Variants in PLCH2 observed in about 807,000 individuals in gnomAD.
PLCH2 encodes 1-phosphatidylinositol 4,5-bisphosphate phosphodiesterase eta-2.
A neutral mutation model predicts 134.7 loss-of-function variants in PLCH2; 98 were observed. That is an observed-to-expected ratio of 0.73 (90% CI 0.62 to 0.86). The LOEUF (loss-of-function observed/expected upper bound fraction) is 0.86, where lower values mean the gene tolerates loss of function less well. Ranked by LOEUF, PLCH2 falls within the 40% of genes least tolerant of loss-of-function variation. The probability of loss-of-function intolerance (pLI) is 0.00; values close to 1 mark genes in which losing one functional copy is unlikely to be tolerated. For missense variants in PLCH2, 1,994 were observed against 1,986.6 expected, an observed-to-expected ratio of 1.00 and a Z score of -0.07; for synonymous variants, 974 against 827.5, an observed-to-expected ratio of 1.18 and a Z score of -3.04.
At chr1:2,495,400 A>G in intron 12 of PLCH2, 88 bp from the exon 13 acceptor site, 1 of 1,127,808 alleles carries the variant, frequency 8.9e-7, no homozygotes, top group Non-Finnish European at 1.3e-6. Context: ...GGGACCCCGG[A>G]GGATAGGCCC....
At chr1:2,456,841 C>A (rs1459873789) in intron 2 of PLCH2, among the ~76,000 whole-genome samples, 2 of 152,158 alleles carry the variant, frequency 1.3e-5, no homozygotes, top group Non-Finnish European at 2.9e-5. Flanking sequence ...AGCGGAGGGG[C>A]CCGTGCTGGG....
At chr1:2,455,907 C>G (rs1473356942) in intron 2 of PLCH2, among the ~76,000 whole-genome samples, 2 of 152,212 alleles carry the variant, frequency 1.3e-5, no homozygotes, top group African/African-American at 4.8e-5. Flanking sequence ...GGGCTGTGTG[C>G]GTGTGTGTGC....
At chr1:2,485,643 G>A (rs913851070) in intron 5 of PLCH2, among the ~76,000 whole-genome samples, 2 of 151,954 alleles carry the variant, frequency 1.3e-5, no homozygotes, top group Admixed American at 1.3e-4. Flanking sequence ...CTCAGCCTGG[G>A]GGTGCTGCTT....
intron 5 of PLCH2, among the ~76,000 whole-genome samples, chr1:2,484,824 C>T (rs192957325): frequency 6.6e-6 from 1 of 152,262 alleles, no homozygotes; most frequent in East Asian, 1.9e-4. Context: ...TTGAGAGCCC[C>T]CCAAGTTGGC....
At chr1:2,494,283 G>T (rs1043642168) in intron 11 of PLCH2, 1 of 161,912 alleles carries the variant, frequency 6.2e-6, no homozygotes, top group Non-Finnish European at 1.4e-5. Context: ...GGGGCAGGCA[G>T]GGTAGCCCTG....
intron 1 of PLCH2, among the ~76,000 whole-genome samples, chr1:2,469,588 G>T (rs1294067686): frequency 6.6e-6 from 1 of 152,092 alleles, no homozygotes; most frequent in Non-Finnish European, 1.5e-5. Flanking sequence ...TGTGTGTGGG[G>T]TGCCTGGGGC....
At position 2,481,945 on chromosome 1, in the gene PLCH2, G is replaced by T. The variant is rs138503692; in HGVS notation, c.645+1633G>T. Reference sequence around the variant, plus strand: ...GAGATGGCTCCCATTGCCTGGCACGGCCTAATCAGAGAGAACTGCATGGTG... The same window carrying T: ...GAGATGGCTCCCATTGCCTGGCACGTCCTAATCAGAGAGAACTGCATGGTG... On this transcript the variant is annotated intron_variant, in intron 4 of 21. Coordinates refer to ENST00000378486, the MANE Select transcript of PLCH2 (RefSeq NM_014638.4). Among the ~76,000 whole-genome samples the T allele has an allele frequency of 4.9e-3, 743 of 152,380 alleles. 1 individual carries two copies. Among genetic ancestry groups the T allele is most frequent in the Non-Finnish European group, 6.9e-3 (471 of 68,036 alleles).
rs1640020122 is a variant in PLCH2, at chr1:2,448,019, G to A, written c.115+17390G>A. On this transcript the variant is annotated intron_variant, in intron 2 of 3. Transcript: ENST00000609981. The surrounding 1 kb of genome is among the most constrained non-coding windows in gnomAD (Gnocchi z 4.0). ...GGCTGTGCCGCAGTGCCTGTGGGTG[G>A]AGGGCATGGTGCCCCTGGCTGCTGT... Among the ~76,000 whole-genome samples the A allele has an allele frequency of 6.6e-6, 1 of 152,192 alleles. No homozygotes were observed. Among genetic ancestry groups the A allele is most frequent in the Non-Finnish European group, 1.5e-5 (1 of 68,030 alleles).
chr1:2,495,695 C>A lies in PLCH2; in HGVS notation c.1835+125C>A, dbSNP rs186019733. 285 of 644,728 alleles carry A rather than the reference C, an allele frequency of 4.4e-4. 1 individual carries two copies. The highest frequency in any genetic ancestry group is 1.0e-4 in the Non-Finnish European group (38 of 378,648). 39.9% of individuals were successfully genotyped at this position (644,728 alleles called of 1,614,324 possible). Reference sequence around the variant, plus strand: ...GGGCAGGACCTACCCCCTTCTTGGCCCCTGGAAGCAGTGAAGTGGTAGGGA... The same window carrying A: ...GGGCAGGACCTACCCCCTTCTTGGCACCTGGAAGCAGTGAAGTGGTAGGGA... On this transcript the variant is annotated intron_variant, in intron 13 of 21. Transcript: ENST00000378486.
chr1:2,468,409 G>A (rs774801468), intron 1 of PLCH2, among the ~76,000 whole-genome samples: 15 of 151,608 alleles, frequency 9.9e-5, no homozygotes, highest in East Asian at 1.9e-4. Flanking sequence ...CGGAAGCCCC[G>A]GGGCTGTTCA....
At chr1:2,503,524 G>A (rs1643353015) in intron 21 of PLCH2, 4 of 678,134 alleles carry the variant, frequency 5.9e-6, no homozygotes, top group Admixed American at 2.2e-5. Context: ...CTGGAGGGAG[G>A]GACATACACG....
intron 2 of PLCH2, among the ~76,000 whole-genome samples, chr1:2,451,851 G>T (rs1008759606): frequency 1.3e-5 from 2 of 152,196 alleles, no homozygotes; most frequent in South Asian, 4.1e-4. Context: ...GGTGGTGGGG[G>T]GACTGTGATT....
chr1:2,418,865 C>G, the PLCH2 span, among the ~76,000 whole-genome samples: 1 of 152,224 alleles, frequency 6.6e-6, no homozygotes, highest in Non-Finnish European at 1.5e-5. Flanking sequence ...CAGTTATGCC[C>G]AGGTCTCTGC....
At chr1:2,465,156 C>T (rs1368467712), upstream of PLCH2, among the ~76,000 whole-genome samples, 1 of 152,186 alleles carries the variant, frequency 6.6e-6, no homozygotes, top group Non-Finnish European at 1.5e-5. Context: ...AAGGTCTAGG[C>T]TCGCCCTGTC....
At chr1:2,422,674 T>C (rs1638579042), upstream of PLCH2, among the ~76,000 whole-genome samples, 1 of 152,230 alleles carries the variant, frequency 6.6e-6, no homozygotes, top group Admixed American at 6.5e-5. Context: ...TTTTACTTTG[T>C]TTTTTGTTTT....
At chr1:2,433,204 T>C (rs570282888) in intron 2 of PLCH2, among the ~76,000 whole-genome samples, 1 of 152,366 alleles carries the variant, frequency 6.6e-6, no homozygotes, top group South Asian at 2.1e-4. Flanking sequence ...GCCCCCGCTG[T>C]GTACGTGCTC....
In PLCH2 at chr1:2,498,240, C is replaced by A; in HGVS notation, c.2225-283C>A. The A allele has an allele frequency of 2.2e-6, 1 of 450,742 alleles. No individual in the cohort carries two copies. Among genetic ancestry groups the A allele is most frequent in the Admixed American group, 3.8e-5 (1 of 25,998 alleles). 27.9% of individuals were successfully genotyped at this position (450,742 alleles called of 1,614,324 possible). On this transcript the variant is annotated intron_variant, in intron 16 of 21. Coordinates refer to ENST00000378486, the MANE Select transcript of PLCH2 (RefSeq NM_014638.4). The surrounding 1 kb of genome is among the most constrained non-coding windows in gnomAD (Gnocchi z 5.4). ...CACCAGAGACCCCACCCCTCATACC[C>A]CCAGGGACCCAGACCCACCCCCAGA...
chr1:2,490,190 C>T (rs1432801499), intron 10 of PLCH2, among the ~76,000 whole-genome samples: 1 of 152,152 alleles, frequency 6.6e-6, no homozygotes, highest in Non-Finnish European at 1.5e-5. Flanking sequence ...CGCCAGACTC[C>T]ACCCCATTCC....
In PLCH2 at chr1:2,476,541, G is replaced by C; in HGVS notation, c.-48G>C. 6.9e-7 allele frequency: 1 copy of C among 1,443,450 alleles called. No homozygotes were observed. Among genetic ancestry groups the C allele is most frequent in the Non-Finnish European group, 9.1e-7 (1 of 1,102,264 alleles). The allele number at this position is 1,443,450 out of a possible 1,614,324, so 89.4% of individuals were successfully genotyped here. A position where few individuals can be genotyped will look rare whatever the true frequency, so the allele number is the denominator to read the frequency against. On this transcript the variant is annotated 5_prime_UTR_variant, in exon 1 of 22. Transcript: ENST00000378486. The stretch of plus-strand genomic sequence containing the variant: ...GCCTGACCTCCGCTGCCCGAAGGCC[G>C]GTGGGCCTCTGTGGCCTCCGTGAAG...
Sources: gnomAD v4.1 joint callset for allele counts (sites outside exome capture counted in the v4.1 genomes callset) on GRCh38, gnomAD v4.1.1 for gene constraint, Gnocchi (gnomAD v3.1) non-coding constraint, MANE v1.5 for transcripts, NCBI Gene and HGNC (gene_info 2026-07-23, HGNC 2026-07-21) for gene names.